The following ZNF385D variants were observed in gnomAD, a reference collection of about 807,000 sequenced individuals.
The protein encoded by ZNF385D is zinc finger protein 385D, also known as zinc finger protein 659.
In ZNF385D, 15 loss-of-function variants were observed where a neutral mutation model predicts 35.8. The observed-to-expected ratio is 0.42, with a 90% CI of 0.28 to 0.64. ZNF385D has a LOEUF of 0.64. Ranked by LOEUF, ZNF385D falls within the 30% of genes least tolerant of loss-of-function variation. The pLI, the probability that ZNF385D is intolerant of heterozygous loss-of-function variation, is 0.23. For missense variants in ZNF385D, 474 were observed against 494.6 expected, an observed-to-expected ratio of 0.96 and a Z score of 0.39; for synonymous variants, 212 against 186.8, an observed-to-expected ratio of 1.13 and a Z score of -1.10.
At chr3:22,126,406 C>A (rs528747655) in intron 3 of ZNF385D, among the ~76,000 whole-genome samples, 1 of 129,654 alleles carries the variant, frequency 7.7e-6, no homozygotes, top group East Asian at 2.5e-4. Flanking sequence ...TTTCCATTTT[C>A]ATTTACCTCA....
chr3:21,446,381 T>C (rs954978443), intron 4 of ZNF385D, among the ~76,000 whole-genome samples: 5 of 151,726 alleles, frequency 3.3e-5, no homozygotes, highest in East Asian at 3.9e-4. Context: ...AGTGCTAAAA[T>C]TGGCACATCC....
At chr3:21,720,526 C>T (rs932406693) in intron 1 of ZNF385D, among the ~76,000 whole-genome samples, 1 of 152,140 alleles carries the variant, frequency 6.6e-6, no homozygotes, top group East Asian at 1.9e-4. Context: ...TGCACTGGAG[C>T]CTGGGCAACA....
intron 3 of ZNF385D, among the ~76,000 whole-genome samples, chr3:22,123,677 T>C (rs147882762): frequency 6.6e-5 from 10 of 152,146 alleles, no homozygotes; most frequent in East Asian, 1.9e-4. Flanking sequence ...CTGGCCAACA[T>C]AGTGAAACCC....
intron 1 of ZNF385D, among the ~76,000 whole-genome samples, chr3:21,739,312 C>T (rs2069393017): frequency 6.6e-6 from 1 of 152,224 alleles, no homozygotes; most frequent in Non-Finnish European, 1.5e-5. Flanking sequence ...ATGAGTTAAA[C>T]ATTTTTCTCT....
chr3:21,817,756 G>A (rs1368022845), intron 3 of ZNF385D, among the ~76,000 whole-genome samples: 3 of 152,192 alleles, frequency 2.0e-5, no homozygotes, highest in African/African-American at 4.8e-5. Context: ...CCATGTGGAA[G>A]GCAGTGTGGT....
At chr3:21,540,384 G>A (rs1469157254) in intron 3 of ZNF385D, among the ~76,000 whole-genome samples, 2 of 152,142 alleles carry the variant, frequency 1.3e-5, no homozygotes, top group East Asian at 1.9e-4. Context: ...TTTTCCCCTC[G>A]GGGGATGATT....
chr3:21,831,614 C>G (rs1285954044), intron 3 of ZNF385D, among the ~76,000 whole-genome samples: 2 of 152,084 alleles, frequency 1.3e-5, no homozygotes, highest in Non-Finnish European at 2.9e-5. Flanking sequence ...TTTAAATCAC[C>G]CCTACTACAT....
intron 3 of ZNF385D, among the ~76,000 whole-genome samples, chr3:21,948,259 G>C (rs1684488): frequency 0.26 from 39,423 of 151,586 alleles, 5,842 homozygotes; most frequent in Admixed American, 0.41. Context: ...TAATTTAAGA[G>C]AAACAAAGCA....
rs1043152620 is a variant in ZNF385D, at chr3:22,214,892, C to T, written c.107-45857G>A. ...TGATATTCTATTACCTTGTGAAGCA[C>T]GTGATGTCTGTGACCCACACCCTAT... On this transcript the variant is annotated intron_variant, in intron 2 of 5. Coordinates refer to the ZNF385D transcript ENST00000494108. 1.2e-4 allele frequency among the ~76,000 whole-genome samples: 18 copies of T among 151,920 alleles called. 1 individual carries two copies. In the East Asian group the frequency reaches 1.7e-3, roughly 15 times the overall value.
At chr3:21,856,173 T>C (rs529060616) in intron 3 of ZNF385D, among the ~76,000 whole-genome samples, 47 of 152,228 alleles carry the variant, frequency 3.1e-4, no homozygotes, top group Admixed American at 1.0e-3. Context: ...AGGTATTTTA[T>C]AGCATTGGTT....
At chr3:21,837,715 T>C (rs2125779138) in intron 3 of ZNF385D, among the ~76,000 whole-genome samples, 1 of 151,816 alleles carries the variant, frequency 6.6e-6, no homozygotes, top group South Asian at 2.1e-4. Context: ...CTACTAAAAA[T>C]ATAAAAATTA....
chr3:21,975,715 A>ATG (rs1703561241), intron 3 of ZNF385D, among the ~76,000 whole-genome samples: 1 of 3,690 alleles, frequency 2.7e-4, no homozygotes, highest in Non-Finnish European at 7.5e-4. Context: ...ATATATATAT[A>ATG]TATATATATA....
chr3:21,726,487 A>G (rs563664329), intron 1 of ZNF385D, among the ~76,000 whole-genome samples: 5 of 152,210 alleles, frequency 3.3e-5, no homozygotes, highest in Admixed American at 6.5e-5. Context: ...AAATCTCAGG[A>G]TACAAAATCA....
chr3:22,069,907 C>G (rs2127528), intron 3 of ZNF385D, among the ~76,000 whole-genome samples: 76,023 of 151,932 alleles, frequency 0.5, 19,241 homozygotes, highest in Non-Finnish European at 0.52. Context: ...GTTCTGTCTG[C>G]TACAGAATGG....
At chr3:21,873,002 A>C (rs1697772954) in intron 3 of ZNF385D, among the ~76,000 whole-genome samples, 1 of 152,156 alleles carries the variant, frequency 6.6e-6, no homozygotes, top group Non-Finnish European at 1.5e-5. Context: ...ATGTACAAAG[A>C]AAGCACATAC....
intron 2 of ZNF385D, among the ~76,000 whole-genome samples, chr3:22,250,452 A>C (rs554563833): frequency 6.6e-6 from 1 of 152,182 alleles, no homozygotes; most frequent in South Asian, 2.1e-4. Flanking sequence ...TTTAGGTTGC[A>C]ATGACTTTGT....
chr3:21,677,352 C>T (rs1242986482), intron 1 of ZNF385D, among the ~76,000 whole-genome samples: 2 of 152,022 alleles, frequency 1.3e-5, no homozygotes, highest in African/African-American at 4.8e-5. Context: ...TTGTGAATTG[C>T]AGCCTAAATA....
At chr3:21,764,854 T>C (rs1203742904) in intron 3 of ZNF385D, among the ~76,000 whole-genome samples, 2 of 152,108 alleles carry the variant, frequency 1.3e-5, no homozygotes, top group African/African-American at 4.8e-5. Flanking sequence ...GCGGTATAAG[T>C]TTACATTTCT....
intron 2 of ZNF385D, among the ~76,000 whole-genome samples, chr3:21,600,335 A>G (rs2064247746): frequency 6.6e-6 from 1 of 152,144 alleles, no homozygotes; most frequent in Non-Finnish European, 1.5e-5. Flanking sequence ...TGGGGTCTGA[A>G]TCAGGACCCC....
Sources: gnomAD v4.1 joint callset for allele counts (sites outside exome capture counted in the v4.1 genomes callset) on GRCh38, gnomAD v4.1.1 for gene constraint, MANE v1.5 for transcripts, NCBI Gene and HGNC (gene_info 2026-07-23, HGNC 2026-07-21) for gene names.